INVS: variants seen among roughly 807,000 people sequenced by gnomAD.
INVS encodes the protein inversin, also known as inversion of embryo turning homolog.
In INVS, 86 loss-of-function variants were observed where a neutral mutation model predicts 108.8. That is an observed-to-expected ratio of 0.79 (90% CI 0.66 to 0.95). The LOEUF (loss-of-function observed/expected upper bound fraction) is 0.95. Ranked by LOEUF, INVS falls within the 40% of genes least tolerant of loss-of-function variation. The probability of loss-of-function intolerance (pLI) is 0.00; values close to 1 mark genes in which losing one functional copy is unlikely to be tolerated. For synonymous variants in INVS, 455 were observed against 473.5 expected (o/e 0.96, Z 0.51); for missense variants, 1,169 against 1,297.4 (o/e 0.90, Z 1.52).
chr9:100,211,736 A>G (rs1830838153), intron 3 of INVS, among the ~76,000 whole-genome samples: 1 of 152,212 alleles, frequency 6.6e-6, no homozygotes, highest in Non-Finnish European at 1.5e-5. Context: ...ATTTCAAGCC[A>G]GAGAGATGTT....
intron 5 of INVS, among the ~76,000 whole-genome samples, chr9:100,235,465 G>A (rs1749516652): frequency 6.6e-6 from 1 of 152,108 alleles, no homozygotes; most frequent in Non-Finnish European, 1.5e-5. Context: ...AGTATGGTTG[G>A]TCTTTATATA....
intron 3 of INVS, among the ~76,000 whole-genome samples, chr9:100,209,537 A>G (rs535622710): frequency 9.2e-5 from 14 of 152,144 alleles, no homozygotes; most frequent in South Asian, 4.2e-4. Flanking sequence ...TTGGGAGGCC[A>G]AGGCGGGAGG....
intron 3 of INVS, among the ~76,000 whole-genome samples, chr9:100,206,055 AC>A (rs1411868886): frequency 6.6e-6 from 1 of 152,110 alleles, no homozygotes; most frequent in Non-Finnish European, 1.5e-5. Context: ...TTAAAAGTAA[AC>A]CCATAGTTTA....
chr9:100,189,780 G>C (rs1239548510), intron 3 of INVS, among the ~76,000 whole-genome samples: 2 of 151,582 alleles, frequency 1.3e-5, no homozygotes, highest in African/African-American at 4.8e-5. Flanking sequence ...TAATAGACGG[G>C]GGTCTTGCCA....
intron 1 of INVS, among the ~76,000 whole-genome samples, chr9:100,100,796 A>ATAATATATATT (rs1826874389): frequency 3.7e-4 from 2 of 5,424 alleles, no homozygotes; most frequent in African/African-American, 1.6e-3. Flanking sequence ...TTATATATAT[A>ATAATATATATT]ATATATGTAT....
chr9:100,116,664 T>G, intron 2 of INVS: 1 of 375,990 alleles, frequency 2.7e-6, no homozygotes, highest in East Asian at 4.4e-5. Context: ...TCACCTTCAA[T>G]TGCTTCTAAA....
At chr9:100,255,826 T>A (rs544670890) in intron 10 of INVS, among the ~76,000 whole-genome samples, 1 of 152,370 alleles carries the variant, frequency 6.6e-6, no homozygotes, top group African/African-American at 2.4e-5. Context: ...CAGTATTTTA[T>A]TGAAAATTTT....
chr9:100,152,192 T>G (rs1390501543), intron 3 of INVS, among the ~76,000 whole-genome samples: 1 of 151,746 alleles, frequency 6.6e-6, no homozygotes, highest in Non-Finnish European at 1.5e-5. Context: ...CCACAGATGA[T>G]GAACATCTTA....
chr9:100,140,846 C>T (rs931035104), intron 3 of INVS, among the ~76,000 whole-genome samples: 5 of 151,914 alleles, frequency 3.3e-5, no homozygotes, highest in South Asian at 4.1e-4. Context: ...GGCCTAGATA[C>T]GGTTTTGTAT....
intron 2 of INVS, chr9:100,116,683 A>T: frequency 6.6e-6 from 3 of 453,610 alleles, no homozygotes; most frequent in Non-Finnish European, 1.1e-5. Flanking sequence ...AAAGTTTTAT[A>T]TAGTTATAGG....
At chr9:100,100,973 T>TTA (rs1263547246) in intron 1 of INVS, among the ~76,000 whole-genome samples, 1 of 62,324 alleles carries the variant, frequency 1.6e-5, no homozygotes, top group East Asian at 3.4e-4. Flanking sequence ...ATAATATATA[T>TTA]TATATATATA....
chr9:100,290,121 A>G (rs2118750572), intron 13 of INVS, among the ~76,000 whole-genome samples: 1 of 151,890 alleles, frequency 6.6e-6, no homozygotes. Flanking sequence ...GGGGTTGCAT[A>G]TATGTGAAAC....
At chr9:100,165,582 ATCC>A (rs1331016420) in intron 3 of INVS, among the ~76,000 whole-genome samples, 1 of 152,180 alleles carries the variant, frequency 6.6e-6, no homozygotes, top group African/African-American at 2.4e-5. Context: ...GTTTCCTGGC[ATCC>A]TCCTAGGATA....
intron 3 of INVS, among the ~76,000 whole-genome samples, chr9:100,141,402 A>C (rs1372815415): frequency 3.9e-5 from 6 of 152,168 alleles, no homozygotes; most frequent in Admixed American, 3.9e-4. Flanking sequence ...TGAGGACCGT[A>C]AGGGAAATAA....
intron 3 of INVS, among the ~76,000 whole-genome samples, chr9:100,154,842 C>G (rs1828923448): frequency 6.6e-6 from 1 of 152,110 alleles, no homozygotes; most frequent in Non-Finnish European, 1.5e-5. Flanking sequence ...GGGATCGAAG[C>G]TAGTCTTATC....
At chr9:100,119,080 A>T (rs987865982) in intron 2 of INVS, among the ~76,000 whole-genome samples, 2 of 152,230 alleles carry the variant, frequency 1.3e-5, no homozygotes, top group Admixed American at 1.3e-4. Flanking sequence ...CTATTGGTCT[A>T]TAAGTCTATT....
At chr9:100,130,379 A>C (rs1303659166) in intron 3 of INVS, 1 of 152,196 alleles carries the variant, frequency 6.6e-6, no homozygotes, top group Non-Finnish European at 1.5e-5. Context: ...ACTTTGGAAG[A>C]GAAAGAGTGG....
chr9:100,188,884 G>T lies in INVS; in HGVS notation c.274-37178G>T, dbSNP rs1181031594. On this transcript the variant is annotated intron_variant, in intron 3 of 16. Transcript: ENST00000262457. The stretch of plus-strand genomic sequence containing the variant: ...TGAGTCAATCTCATTGCTTGTTATT[G>T]GTTTGTTCAGGATTTCTGTTTCTTC... 2.0e-5 allele frequency among the ~76,000 whole-genome samples: 3 copies of T among 151,734 alleles called. No homozygotes were observed. In the East Asian group the frequency reaches 5.8e-4, roughly 29 times the overall value.
In INVS at chr9:100,300,256, A is replaced by G. The variant is rs562096154; in HGVS notation, c.3092-312A>G. Among the ~76,000 whole-genome samples the G allele has an allele frequency of 1.1e-4, 17 of 152,316 alleles. No homozygotes were observed. In the East Asian group the frequency reaches 1.5e-3, roughly 14 times the overall value. ...TAAAAGATGTGTTACCTGTTTATGT[A>G]ATGTGTTATGTGAGAGACCCAGAGA... is the stretch of plus-strand genomic sequence containing the variant. On this transcript the variant is annotated intron_variant, in intron 16 of 16. Coordinates refer to ENST00000262457, the MANE Select transcript of INVS (RefSeq NM_014425.5).
Sources: gnomAD v4.1 joint callset for allele counts (sites outside exome capture counted in the v4.1 genomes callset) on GRCh38, gnomAD v4.1.1 for gene constraint, MANE v1.5 for transcripts, NCBI Gene and HGNC (gene_info 2026-07-23, HGNC 2026-07-21) for gene names.